CREBBP: variants seen among roughly 807,000 people sequenced by gnomAD.
The protein encoded by CREBBP is CREB-binding protein.
In CREBBP, 19 loss-of-function variants were observed where a neutral mutation model predicts 265.0. The observed-to-expected ratio is 0.07, with a 90% CI of 0.05 to 0.11. The LOEUF (loss-of-function observed/expected upper bound fraction) is 0.11. Among genes scored for constraint, CREBBP ranks in the 10% least tolerant of loss-of-function variants. The pLI, the probability that CREBBP is intolerant of heterozygous loss-of-function variation, is 1.00. For synonymous variants in CREBBP, 1,457 were observed against 1,223.7 expected, an observed-to-expected ratio of 1.19 and a Z score of -3.98; for missense variants, 2,525 against 3,219.0, an observed-to-expected ratio of 0.78 and a Z score of 5.22.
chr16:3,729,014 G>A lies in CREBBP; in HGVS notation c.6033C>T (p.Pro2011=), dbSNP rs763241697. The A allele has an allele frequency of 2.1e-5, 33 of 1,591,816 alleles. No homozygotes were observed. Among genetic ancestry groups the A allele is most frequent in the South Asian group, 4.5e-5 (4 of 89,774 alleles). Residue 2011 remains proline (P), a synonymous_variant, in exon 31 of 31, where the codon CCC becomes CCT. Transcript: ENST00000262367. The part of the protein sequence containing the change: ...NVPRPNQVSG[P]VMPSMPPGQW... ...GCCCGGGAGGCATGCTGGGCATGAC[G>A]GGCCCGCTCACCTGGTTGGGTCGGG...
In CREBBP at chr16:3,880,040, G is replaced by T. The variant is rs990307675; in HGVS notation, c.-124C>A. ...GAGCGCGGGCCGCGAGCGGGCGGGC[G>T]GGCGCCGAGGGAGAGGGAGGGCGCA... On this transcript the variant is annotated 5_prime_UTR_variant, in exon 1 of 31. Transcript: ENST00000262367. 4 of 730,100 alleles carry T rather than the reference G, an allele frequency of 5.5e-6. No homozygotes were observed. The highest frequency in any genetic ancestry group is 1.2e-4 in the South Asian group (2 of 16,092). The allele number at this position is 730,100 out of a possible 1,614,324, so 45.2% of individuals were successfully genotyped here.
At chr16:3,760,138 T>C (rs1425872184) in intron 16 of CREBBP, among the ~76,000 whole-genome samples, 1 of 152,128 alleles carries the variant, frequency 6.6e-6, no homozygotes, top group Admixed American at 6.6e-5. Context: ...GTTGCCCAGG[T>C]TGGGGGACAA....
Position 3,740,564 on chromosome 16 carries a change from A to G in CREBBP, c.3983-15T>C, listed in dbSNP as rs2151341465. The G allele has an allele frequency of 6.2e-7, 1 of 1,614,182 alleles. No individual in the cohort carries two copies. The highest frequency in any genetic ancestry group is 8.5e-7 in the Non-Finnish European group (1 of 1,180,022). ...GGTCTGCAGCCCTAGGAAGTCCAGA[A>G]GGAGCAGGTGAGAGGGCTTCAACAG... On this transcript the variant is annotated splice_polypyrimidine_tract_variant and intron_variant, in intron 23 of 30. Transcript: ENST00000262367.
chr16:3,822,391 T>G (rs1347394237), intron 2 of CREBBP, among the ~76,000 whole-genome samples: 1 of 152,196 alleles, frequency 6.6e-6, no homozygotes, highest in Non-Finnish European at 1.5e-5. Flanking sequence ...AGACAGCCAC[T>G]GACTATTTCT....
rs115972809 is a variant in CREBBP, at chr16:3,789,468, G to A, written c.1330+2513C>T. 5.4e-3 allele frequency among the ~76,000 whole-genome samples: 824 copies of A among 152,294 alleles called. 11 individuals carry two copies. Among genetic ancestry groups the A allele is most frequent in the African/African-American group, 0.019 (792 of 41,544 alleles). On this transcript the variant is annotated intron_variant, in intron 5 of 30. Coordinates refer to ENST00000262367, the MANE Select transcript of CREBBP (RefSeq NM_004380.3). ...TCCAATTCTCCTCGAAAAGAATGCT[G>A]ATTGCACTGACTTGTCTCTACCTCG...
At chr16:3,767,384 T>C (rs1169687755) in intron 16 of CREBBP, 1 of 373,768 alleles carries the variant, frequency 2.7e-6, no homozygotes, top group Non-Finnish European at 4.9e-6. Flanking sequence ...TGGTTCTTTA[T>C]ACTTTTATGA....
intron 2 of CREBBP, among the ~76,000 whole-genome samples, chr16:3,844,767 G>C (rs974238090): frequency 6.6e-6 from 1 of 152,106 alleles, no homozygotes; most frequent in African/African-American, 2.4e-5. Flanking sequence ...CAGATTACCA[G>C]AGTAGCGTAT....
intron 28 of CREBBP, 53 bp downstream of exon 28, chr16:3,735,983 C>T: frequency 3.7e-6 from 6 of 1,613,976 alleles, no homozygotes; most frequent in South Asian, 1.1e-5. Flanking sequence ...AGCCTGCCAC[C>T]CTGCAGCTCC....
rs373848722 is a variant in CREBBP, at chr16:3,729,596, C to A, written c.5451G>T (p.Pro1817=). ...GCKRKTNGGC[P]VCKQLIALCC... ...AGAGGGCGATGAGCTGCTTGCACAC[C>A]GGGCAGCCCCCGTTGGTCTTGCGTT... Residue 1817 remains proline (P), a synonymous_variant, in exon 31 of 31, where the codon CCG becomes CCT. Coordinates refer to ENST00000262367, the MANE Select transcript of CREBBP (RefSeq NM_004380.3). The A allele has an allele frequency of 6.2e-7, 1 of 1,614,048 alleles. No homozygotes were observed. The highest frequency in any genetic ancestry group is 8.5e-7 in the Non-Finnish European group (1 of 1,180,030).
chr16:3,818,571 G>A (rs868178162), intron 2 of CREBBP, among the ~76,000 whole-genome samples: 5 of 152,170 alleles, frequency 3.3e-5, no homozygotes, highest in African/African-American at 9.6e-5. Flanking sequence ...TGATCCGCCT[G>A]CCTTGGCCTC....
Position 3,728,881 on chromosome 16 carries a change from C to G in CREBBP, c.6166G>C (p.Val2056Leu), listed in dbSNP as rs1254881895. Reference protein sequence around the residue: ...AAVAGPRMPSVQPPRSISPSA... With the variant: ...AAVAGPRMPSLQPPRSISPSA... The stretch of plus-strand genomic sequence containing the variant: ...GGTGAGATGCTCCTGGGTGGCTGCA[C>G]GCTGGGCATCCGGGGCCCAGCCACG... The change falls in exon 31 of 31, where the codon GTG (valine) becomes CTG (leucine). Residue 2056 changes from valine to leucine, a missense_variant. This residue lies in a region of CREBBP where 275 missense variants were observed against 276.5 expected (regional missense o/e 0.99). Coordinates refer to ENST00000262367, the MANE Select transcript of CREBBP (RefSeq NM_004380.3). This position sits in a 1 kb window ranked among gnomAD's most constrained non-coding sequence, Gnocchi z 8.7. The G allele has an allele frequency of 2.5e-6, 4 of 1,611,328 alleles. No individual in the cohort carries two copies. In the East Asian group the frequency reaches 8.9e-5, roughly 36 times the overall value.
At chr16:3,785,972 T>C (rs2053377769) in intron 5 of CREBBP, among the ~76,000 whole-genome samples, 2 of 152,220 alleles carry the variant, frequency 1.3e-5, no homozygotes, top group Non-Finnish European at 2.9e-5. Flanking sequence ...AAGGAGCCTA[T>C]GACCTATGAA....
intron 2 of CREBBP, among the ~76,000 whole-genome samples, chr16:3,845,307 G>T (rs2054643876): frequency 6.6e-6 from 1 of 152,168 alleles, no homozygotes; most frequent in South Asian, 2.1e-4. Flanking sequence ...GAAATAACTA[G>T]TGAGGTCATA....
chr16:3,878,693 C>T (rs930202158), intron 1 of CREBBP, among the ~76,000 whole-genome samples: 4 of 152,140 alleles, frequency 2.6e-5, no homozygotes, highest in South Asian at 2.1e-4. Flanking sequence ...TCAATTTGGA[C>T]TCATTCATTA....
chr16:3,761,657 C>T (rs183969084), intron 16 of CREBBP: 1 of 502,858 alleles, frequency 2.0e-6, no homozygotes, highest in East Asian at 5.7e-5. Context: ...GTCCGGGCAA[C>T]CAGGTAAAAA....
chr16:3,828,123 C>T (rs546256276), intron 2 of CREBBP, among the ~76,000 whole-genome samples: 11 of 152,010 alleles, frequency 7.2e-5, no homozygotes, highest in African/African-American at 2.7e-4. Flanking sequence ...CAGAGTCTCT[C>T]GCTCTGTCAC....
intron 8 of CREBBP, among the ~76,000 whole-genome samples, chr16:3,780,469 T>A (rs2053247571): frequency 1.3e-5 from 2 of 152,110 alleles, no homozygotes; most frequent in Non-Finnish European, 2.9e-5. Context: ...TGAGGGTCTT[T>A]GCCTCGGTGA....
In CREBBP at chr16:3,772,915, CA is replaced by C. The variant is rs144154476; in HGVS notation, c.2463+835del. On this transcript the variant is annotated intron_variant, in intron 13 of 30. Coordinates refer to ENST00000262367, the MANE Select transcript of CREBBP (RefSeq NM_004380.3). ...TGAAATCCCGTCTCTACTAAAAATA[CA>C]AAAAAAAAAAAAAAAAAAAAAATTA... 2.3e-3 allele frequency among the ~76,000 whole-genome samples: 200 copies of C among 88,808 alleles called. 2 individuals carry two copies. Among genetic ancestry groups the C allele is most frequent in the East Asian group, 0.012 (31 of 2,582 alleles). 58.3% of individuals were successfully genotyped at this position (88,808 alleles called of 152,430 possible).
At chr16:3,806,552 G>A (rs773141340) in intron 3 of CREBBP, among the ~76,000 whole-genome samples, 7 of 152,024 alleles carry the variant, frequency 4.6e-5, no homozygotes, top group Non-Finnish European at 7.4e-5. Context: ...TCTGGTCACT[G>A]AATGTTCTCA....
Sources: gnomAD v4.1 joint callset for allele counts (sites outside exome capture counted in the v4.1 genomes callset) on GRCh38, gnomAD v4.1.1 for gene constraint, gnomAD v4.1.1 regional missense constraint, Gnocchi (gnomAD v3.1) non-coding constraint, MANE v1.5 for transcripts, NCBI Gene and HGNC (gene_info 2026-07-23, HGNC 2026-07-21) for gene names.